The following TMEFF2 variants were observed in gnomAD, a reference collection of about 807,000 sequenced individuals.
TMEFF2 encodes transmembrane protein with EGF like and two follistatin like domains 2, also known as tomoregulin-2.
A neutral mutation model predicts 53.8 loss-of-function variants in TMEFF2; 28 were observed. That is an observed-to-expected ratio of 0.52 (90% confidence interval 0.39 to 0.71). The LOEUF (loss-of-function observed/expected upper bound fraction) is 0.71, where lower values mean the gene tolerates loss of function less well. Among genes scored for constraint, TMEFF2 ranks in the 30% least tolerant of loss-of-function variants. TMEFF2 has a pLI of 0.00. For missense variants in TMEFF2, 353 were observed against 455.2 expected (o/e 0.78, Z 2.04); for synonymous variants, 162 against 166.3 (o/e 0.97, Z 0.20).
In TMEFF2 at chr2:192,194,222, G is replaced by T; in HGVS notation, c.172+131C>A. ...TCCCCTTGTTTCTCTGGATAGAGGT[G>T]GGTGGTATTAGGGGTCTAGGGCAGT... On this transcript the variant is annotated intron_variant, in intron 1 of 9. Coordinates refer to ENST00000272771, the MANE Select transcript of TMEFF2 (RefSeq NM_016192.4). This position sits in a 1 kb window ranked among gnomAD's most constrained non-coding sequence, Gnocchi z 4.2. The T allele has an allele frequency of 2.8e-6, 3 of 1,058,446 alleles. No homozygotes were observed. Among genetic ancestry groups the T allele is most frequent in the Non-Finnish European group, 4.2e-6 (3 of 715,316 alleles). 65.6% of individuals were successfully genotyped at this position (1,058,446 alleles called of 1,614,324 possible). A position where few individuals can be genotyped will look rare whatever the true frequency, so the allele number is the denominator to read the frequency against.
intron 4 of TMEFF2, among the ~76,000 whole-genome samples, chr2:192,107,629 A>G (rs1689178727): frequency 6.6e-6 from 1 of 151,776 alleles, no homozygotes. Context: ...AAGGAGCTAA[A>G]GTTTTTTATA....
chr2:191,961,517 C>CT (rs397742576), intron 7 of TMEFF2, among the ~76,000 whole-genome samples: 18 of 151,792 alleles, frequency 1.2e-4, no homozygotes, highest in Non-Finnish European at 2.9e-5. Flanking sequence ...TTACCCTCCC[C>CT]GACTTACTGC....
intron 5 of TMEFF2, among the ~76,000 whole-genome samples, chr2:192,017,272 A>G (rs1293139775): frequency 6.6e-6 from 1 of 152,174 alleles, no homozygotes; most frequent in Admixed American, 6.5e-5. Context: ...CTTTGAAATT[A>G]ACCATGTGGT....
At chr2:192,005,674 TG>T (rs1383698587) in intron 5 of TMEFF2, among the ~76,000 whole-genome samples, 1 of 152,204 alleles carries the variant, frequency 6.6e-6, no homozygotes, top group Non-Finnish European at 1.5e-5. Flanking sequence ...TGTCTGTCTC[TG>T]GGGCCATTAC....
chr2:191,980,003 A>G (rs555721558), intron 7 of TMEFF2, among the ~76,000 whole-genome samples: 2 of 152,240 alleles, frequency 1.3e-5, no homozygotes, highest in African/African-American at 2.4e-5. Flanking sequence ...AATTTTATGT[A>G]GTTTGGTTTC....
intron 3 of TMEFF2, among the ~76,000 whole-genome samples, chr2:192,182,648 C>G (rs927652537): frequency 6.6e-6 from 1 of 151,846 alleles, no homozygotes; most frequent in Non-Finnish European, 1.5e-5. Context: ...TGGCCATAAC[C>G]GTAACTTCTG....
At chr2:192,003,930 G>GGGGC (rs1553512502) in intron 5 of TMEFF2, among the ~76,000 whole-genome samples, 1 of 121,090 alleles carries the variant, frequency 8.3e-6, no homozygotes, top group Non-Finnish European at 1.8e-5. Flanking sequence ...TGTGTGTGTG[G>GGGGC]GGGGGGGGCT....
intron 9 of TMEFF2, among the ~76,000 whole-genome samples, chr2:191,951,117 T>C (rs762226104): frequency 2.0e-5 from 3 of 152,110 alleles, no homozygotes; most frequent in Non-Finnish European, 4.4e-5. Flanking sequence ...TATATGAATA[T>C]ACATACACAT....
chr2:191,956,222 T>C lies in TMEFF2; in HGVS notation c.869+33A>G, dbSNP rs774677211. On this transcript the variant is annotated intron_variant, in intron 8 of 9. Coordinates refer to ENST00000272771, the MANE Select transcript of TMEFF2 (RefSeq NM_016192.4). ...ATTTAGTTTCTACATATTAACTTTA[T>C]ACATTAACTATTCTTGCGAGTAAAA... 9 of 1,579,746 alleles carry C rather than the reference T, an allele frequency of 5.7e-6. No individual in the cohort carries two copies. The Admixed American group carries it at 1.3e-4, about 23-fold the overall frequency.
chr2:192,009,055 T>C (rs1686566791), intron 5 of TMEFF2, among the ~76,000 whole-genome samples: 1 of 152,226 alleles, frequency 6.6e-6, no homozygotes, highest in South Asian at 2.1e-4. Flanking sequence ...TGGCTTTTAT[T>C]TGTTTGGCTT....
intron 4 of TMEFF2, among the ~76,000 whole-genome samples, chr2:192,134,319 C>A (rs1325371683): frequency 6.6e-6 from 1 of 152,326 alleles, no homozygotes; most frequent in East Asian, 1.9e-4. Context: ...CTGCATCTCT[C>A]TGATCCACCT....
At chr2:192,117,986 T>C (rs1689456161) in intron 4 of TMEFF2, among the ~76,000 whole-genome samples, 1 of 150,222 alleles carries the variant, frequency 6.7e-6, no homozygotes, top group Admixed American at 6.6e-5. Flanking sequence ...GCTTTGTTTG[T>C]GGGCTTTACC....
chr2:191,953,741 GATTAAGAC>G lies in TMEFF2; in HGVS notation c.958_965del (p.Val320ArgfsTer104). 1 of 1,614,160 alleles carries G rather than the reference GATTAAGAC, an allele frequency of 6.2e-7. No homozygotes were observed. The highest frequency in any genetic ancestry group is 8.5e-7 in the Non-Finnish European group (1 of 1,180,010). ...TCTGAATTGTTCCAATCACAGCTGC[GATTAAGAC>G]ATACTGAAATCGTACAGGACCGGGA... On this transcript the variant is annotated frameshift_variant, in exon 9 of 10. Coordinates refer to ENST00000272771, the MANE Select transcript of TMEFF2 (RefSeq NM_016192.4). LOFTEE classifies it high-confidence loss of function.
chr2:192,031,268 A>G (rs967681816), intron 5 of TMEFF2: 1 of 152,102 alleles, frequency 6.6e-6, no homozygotes, highest in African/African-American at 2.4e-5. Context: ...CTTATTTATC[A>G]TGTTTTCCTA....
intron 4 of TMEFF2, among the ~76,000 whole-genome samples, chr2:192,128,311 G>A (rs776007085): frequency 6.6e-6 from 1 of 152,276 alleles, no homozygotes; most frequent in Non-Finnish European, 1.5e-5. Flanking sequence ...ATCAGCATTA[G>A]TCGAATATAA....
chr2:192,095,551 G>T (rs963673797), intron 4 of TMEFF2, among the ~76,000 whole-genome samples: 1 of 151,960 alleles, frequency 6.6e-6, no homozygotes, highest in African/African-American at 2.4e-5. Flanking sequence ...TGCAGCAAAA[G>T]AAATATAGAA....
At position 191,981,079 on chromosome 2, in the gene TMEFF2, T is replaced by G. The variant is rs185805300; in HGVS notation, c.745+17183A>C. On this transcript the variant is annotated intron_variant, in intron 7 of 9. Transcript: ENST00000272771. ...TCTTCACTCTGCTGCCAGGTTTTTT[T>G]TTTTTATTTAATAAAAAATACGACA... is the stretch of plus-strand genomic sequence containing the variant. Among the ~76,000 whole-genome samples, 862 of 152,212 alleles carry G rather than the reference T, an allele frequency of 5.7e-3. 6 individuals carry two copies. The highest frequency in any genetic ancestry group is 9.5e-3 in the Non-Finnish European group (648 of 68,000).
At chr2:192,158,518 T>G (rs1690559579) in intron 4 of TMEFF2, among the ~76,000 whole-genome samples, 1 of 152,140 alleles carries the variant, frequency 6.6e-6, no homozygotes, top group Non-Finnish European at 1.5e-5. Flanking sequence ...CAAAATCTAC[T>G]TTAAAGCATT....
At chr2:192,005,586 C>A (rs1452161946) in intron 5 of TMEFF2, among the ~76,000 whole-genome samples, 2 of 152,170 alleles carry the variant, frequency 1.3e-5, no homozygotes, top group Non-Finnish European at 2.9e-5. Flanking sequence ...AGTTTCAAAG[C>A]ACCCAACTAT....
Sources: gnomAD v4.1 joint callset for allele counts (sites outside exome capture counted in the v4.1 genomes callset) on GRCh38, gnomAD v4.1.1 for gene constraint, Gnocchi (gnomAD v3.1) non-coding constraint, MANE v1.5 for transcripts, NCBI Gene and HGNC (gene_info 2026-07-23, HGNC 2026-07-21) for gene names.